The following LTBP4 variants were observed in gnomAD, a reference collection of about 807,000 sequenced individuals.
LTBP4 encodes the protein latent transforming growth factor beta binding protein 4.
LTBP4 carries 93 observed loss-of-function variants against 180.2 expected under a neutral mutation model. The observed-to-expected ratio is 0.52, with a 90% confidence interval of 0.44 to 0.61. The LOEUF (loss-of-function observed/expected upper bound fraction) is 0.61, where lower values mean the gene tolerates loss of function less well. LTBP4 is among the 20% of genes least tolerant of loss of function. The pLI is 0.00. For synonymous variants in LTBP4, 947 were observed against 934.5 expected (o/e 1.01, Z -0.24); for missense variants, 2,116 against 2,256.5 (o/e 0.94, Z 1.26).
chr19:40,625,983 G>C lies in LTBP4; in HGVS notation c.3959G>C (p.Cys1320Ser). Residue 1320 changes from cysteine (C) to serine (S), a missense_variant, in exon 27 of 30, where the codon TGC (cysteine) becomes TCC (serine). Physicochemically the swap from Cys to Ser is moderately radical, Grantham distance 112 (BLOSUM62 -1). Around this residue, in one of 5 missense-constraint regions of LTBP4, gnomAD observed 488 missense variants for 458.8 expected, o/e 1.06. Coordinates refer to ENST00000396819, the MANE Select transcript of LTBP4 (RefSeq NM_001042545.2). ...TATGGAGAGGCCTGGGGCATGGACT[G>C]CGCCCTCTGCCCTGCGCAGGACTCA... ...CLYGEAWGMD[C>S]ALCPAQDSDD... 1 of 1,607,500 alleles carries C rather than the reference G, an allele frequency of 6.2e-7. No individual in the cohort carries two copies.
Position 40,611,893 on chromosome 19 carries a change from C to G in LTBP4, c.2088C>G (p.Cys696Trp). 1 of 1,608,640 alleles carries G rather than the reference C, an allele frequency of 6.2e-7. No homozygotes were observed. The highest frequency in any genetic ancestry group is 8.5e-7 in the Non-Finnish European group (1 of 1,177,804). The change falls in exon 14 of 30, where the codon TGC becomes TGG. Residue 696 changes from cysteine (C) to tryptophan (W), a missense_variant. By Grantham distance (215) the Cys-to-Trp change is radical. Coordinates refer to ENST00000396819, the MANE Select transcript of LTBP4 (RefSeq NM_001042545.2). This position sits in a 1 kb window ranked among gnomAD's most constrained non-coding sequence, Gnocchi z 4.4. ...VDECARSPPP[C>W]TYGRCENTEG... ...AGTGTGCCCGAAGCCCCCCACCCTG[C>G]ACCTACGGCCGGTGTGAGAACACAG... is the stretch of plus-strand genomic sequence containing the variant.
chr19:40,626,143 C>A, intron 27 of LTBP4, 134 bp downstream of exon 27: 1 of 1,003,672 alleles, frequency 1.0e-6, no homozygotes, highest in Non-Finnish European at 1.4e-6. Context: ...TATGTCGCAG[C>A]CCATCCCAAA....
At chr19:40,619,747 G>A (rs1330687992) in intron 22 of LTBP4, among the ~76,000 whole-genome samples, 1 of 152,218 alleles carries the variant, frequency 6.6e-6, no homozygotes, top group African/African-American at 2.4e-5. Flanking sequence ...TCTGGGCACT[G>A]AGAACATAGT....
chr19:40,610,527 TACAGATGTGG>T lies in LTBP4; in HGVS notation c.1685-2_1692del. ...CAGTCCCAGCCGCCTGGTCTGTGCC[TACAGATGTGG>T]ACGAGTGCCACCGCGTGCCGCCGCC... is the stretch of plus-strand genomic sequence containing the variant. On this transcript the variant is annotated splice_acceptor_variant and splice_polypyrimidine_tract_variant and coding_sequence_variant and intron_variant, in exon 12 of 30. Coordinates refer to ENST00000396819, the MANE Select transcript of LTBP4 (RefSeq NM_001042545.2). LOFTEE classifies it high-confidence loss of function. 1 of 1,592,132 alleles carries T rather than the reference TACAGATGTGG, an allele frequency of 6.3e-7. No individual in the cohort carries two copies. Among genetic ancestry groups the T allele is most frequent in the South Asian group, 1.1e-5 (1 of 89,520 alleles).
Position 40,613,627 on chromosome 19 carries a change from T to G in LTBP4, c.2557+98T>G. ...GGGCGAAAAGGGGAAAACGAGTTTT[T>G]AGCCGGGGTATTCCAGCAGGATCAG... is the stretch of plus-strand genomic sequence containing the variant. On this transcript the variant is annotated intron_variant, in intron 17 of 29. Transcript: ENST00000396819. The surrounding 1 kb of genome is among the most constrained non-coding windows in gnomAD (Gnocchi z 5.0). 6.6e-7 allele frequency: 1 copy of G among 1,523,658 alleles called. No homozygotes were observed. The highest frequency in any genetic ancestry group is 1.4e-5 in the African/African-American group (1 of 72,748). The allele number at this position is 1,523,658 out of a possible 1,614,324, so 94.4% of individuals were successfully genotyped here. A position where few individuals can be genotyped will look rare whatever the true frequency, so the allele number is the denominator to read the frequency against.
intron 12 of LTBP4, 65 bp downstream of exon 12, chr19:40,610,722 G>T: frequency 2.0e-6 from 3 of 1,518,336 alleles, no homozygotes; most frequent in Non-Finnish European, 2.6e-6. Context: ...AGTGATGAGG[G>T]CCAGAGAGAC....
Position 40,613,120 on chromosome 19 carries a change from T to A in LTBP4, c.2355T>A (p.Thr785=). ...CCTGTGGTCCCCACGGCCACTGCAC[T>A]AACACCGAAGGCTCCTTCCGCTGCA... ...APPCGPHGHC[T]NTEGSFRCSC... The change falls in exon 16 of 30, where the codon ACT becomes ACA. Residue 785 remains threonine, a synonymous_variant. Coordinates refer to ENST00000396819, the MANE Select transcript of LTBP4 (RefSeq NM_001042545.2). The surrounding 1 kb of genome is among the most constrained non-coding windows in gnomAD (Gnocchi z 5.0). The A allele has an allele frequency of 6.2e-7, 1 of 1,606,708 alleles. No individual in the cohort carries two copies. Among genetic ancestry groups the A allele is most frequent in the South Asian group, 1.1e-5 (1 of 89,602 alleles).
intron 9 of LTBP4, 168 bp downstream of exon 9, chr19:40,608,771 CGTG>C: frequency 1.4e-6 from 1 of 694,584 alleles, no homozygotes; most frequent in South Asian, 1.9e-5. Context: ...ATTAACTGGG[CGTG>C]GTGGCAGATG....
chr19:40,594,213 T>G (rs2081379802), intron 1 of LTBP4, among the ~76,000 whole-genome samples: 1 of 150,674 alleles, frequency 6.6e-6, no homozygotes, highest in Non-Finnish European at 1.5e-5. Flanking sequence ...AGTATTATCC[T>G]AGTATAGTAT....
Position 40,621,286 on chromosome 19 carries a change from T to C in LTBP4, c.3218-1115T>C, listed in dbSNP as rs180968340. 3.5e-4 allele frequency among the ~76,000 whole-genome samples: 53 copies of C among 152,162 alleles called. 1 individual carries two copies. Among genetic ancestry groups the C allele is most frequent in the East Asian group, 2.1e-3 (11 of 5,176 alleles). On this transcript the variant is annotated intron_variant, in intron 22 of 29. Coordinates refer to ENST00000396819, the MANE Select transcript of LTBP4 (RefSeq NM_001042545.2). ...CCCTTGTACCTCTGTCCCTCCCCCA[T>C]CTAGTGGTCCCCAGCAACTATTGTG...
chr19:40,601,652 G>C lies in LTBP4; in HGVS notation c.250+15G>C, dbSNP rs1408123929. On this transcript the variant is annotated intron_variant, in intron 1 of 29. Coordinates refer to ENST00000396819, the MANE Select transcript of LTBP4 (RefSeq NM_001042545.2). ...CTTCCGCGCCTGTGAGTGCGGGGTG[G>C]TGGTCCCGAGAGAGCGGCTCCGGGG... 2.3e-5 allele frequency: 31 copies of C among 1,345,638 alleles called. No homozygotes were observed. Among genetic ancestry groups the C allele is most frequent in the Non-Finnish European group, 2.9e-5 (31 of 1,052,892 alleles). 83.4% of individuals were successfully genotyped at this position (1,345,638 alleles called of 1,614,324 possible). A position where few individuals can be genotyped will look rare whatever the true frequency, so the allele number is the denominator to read the frequency against.
chr19:40,607,333 G>A lies in LTBP4; in HGVS notation c.992-32G>A, dbSNP rs987359146. ...TCAGTGCTACAGCATTCCCAGCCCC[G>A]CCCTGAAGGATTTCCTCCCTGCTCC... On this transcript the variant is annotated intron_variant, in intron 6 of 29. Transcript: ENST00000396819. 22 of 1,140,148 alleles carry A rather than the reference G, an allele frequency of 1.9e-5. 1 individual carries two copies. Among genetic ancestry groups the A allele is most frequent in the Middle Eastern group, 4.9e-4 (2 of 4,058 alleles). 70.6% of individuals were successfully genotyped at this position (1,140,148 alleles called of 1,614,324 possible). A position where few individuals can be genotyped will look rare whatever the true frequency, so the allele number is the denominator to read the frequency against.
chr19:40,594,254 C>A (rs2081379975), intron 1 of LTBP4, among the ~76,000 whole-genome samples: 1 of 135,084 alleles, frequency 7.4e-6, no homozygotes, highest in African/African-American at 2.9e-5. Flanking sequence ...CGTGAGAGGG[C>A]ATGGGGGGAG....
At chr19:40,619,529 G>A (rs1478624862) in intron 22 of LTBP4, 36 bp downstream of exon 22, 2 of 1,561,554 alleles carry the variant, frequency 1.3e-6, no homozygotes, top group Non-Finnish European at 1.7e-6. Context: ...GATGGCGGCT[G>A]GCCCCATGGG....
upstream of LTBP4, chr19:40,599,161 T>C: frequency 6.3e-7 from 1 of 1,575,600 alleles, no homozygotes; most frequent in Non-Finnish European, 8.6e-7. Context: ...TCTGGGGTGC[T>C]AGGGGCCTGA....
intron 27 of LTBP4, among the ~76,000 whole-genome samples, chr19:40,626,411 A>G (rs2081634147): frequency 6.6e-6 from 1 of 152,028 alleles, no homozygotes; most frequent in Non-Finnish European, 1.5e-5. Context: ...ACAGCCCCAC[A>G]GACCTCCAAG....
At position 40,612,070 on chromosome 19, in the gene LTBP4, C is replaced by A. The variant is rs560687578; in HGVS notation, c.2180-3C>A. The A allele has an allele frequency of 2.2e-5, 35 of 1,613,216 alleles. No homozygotes were observed. The South Asian group carries it at 3.3e-4, about 15-fold the overall frequency. ...CAAGGCCACCCTCTCCCCTGCCCCCCAGATGTGGATGAGTGTGAGAACCAC... is the reference window on the plus strand; with the variant it reads ...CAAGGCCACCCTCTCCCCTGCCCCCAAGATGTGGATGAGTGTGAGAACCAC... On this transcript the variant is annotated splice_polypyrimidine_tract_variant and splice_region_variant and intron_variant, in intron 14 of 29. Transcript: ENST00000396819.
chr19:40,609,466 T>C lies in LTBP4; in HGVS notation c.1427-64T>C. 6.3e-7 allele frequency: 1 copy of C among 1,586,234 alleles called. No homozygotes were observed. Among genetic ancestry groups the C allele is most frequent in the South Asian group, 1.1e-5 (1 of 90,166 alleles). On this transcript the variant is annotated intron_variant, in intron 9 of 29. Coordinates refer to ENST00000396819, the MANE Select transcript of LTBP4 (RefSeq NM_001042545.2). The surrounding 1 kb of genome is among the most constrained non-coding windows in gnomAD (Gnocchi z 4.9). The stretch of plus-strand genomic sequence containing the variant: ...ATGGATGTCTCCGGGGGTGGGGGTT[T>C]TACTGGGATGAAAGGAACGGAGGAT...
rs1386032116 is a variant in LTBP4 at position 40,613,465 on chromosome 19, C to T, written c.2493C>T (p.Asp831=). 1 of 1,597,612 alleles carries T rather than the reference C, an allele frequency of 6.3e-7. No homozygotes were observed. The highest frequency in any genetic ancestry group is 1.1e-5 in the South Asian group (1 of 88,240). The change falls in exon 17 of 30, where the codon GAC becomes GAT. Residue 831 remains aspartate, a synonymous_variant. Coordinates refer to ENST00000396819, the MANE Select transcript of LTBP4 (RefSeq NM_001042545.2). The surrounding 1 kb of genome is among the most constrained non-coding windows in gnomAD (Gnocchi z 5.0). The stretch of plus-strand genomic sequence containing the variant: ...CTCACGGCGAGTGCCTCAACACTGA[C>T]GGCTCCTTTGCCTGTACTTGTGCCC... ...CFPHGECLNT[D]GSFACTCAPG...
Sources: allele counts gnomAD v4.1 joint callset (sites outside exome capture counted in the v4.1 genomes callset), GRCh38; gene constraint gnomAD v4.1.1; regional missense constraint gnomAD v4.1.1; non-coding constraint Gnocchi (gnomAD v3.1); transcripts MANE v1.5; gene names NCBI Gene and HGNC (gene_info 2026-07-23, HGNC 2026-07-21).